Variants in MORC1 observed in about 807,000 individuals in gnomAD.
MORC1 encodes the protein MORC family CW-type zinc finger 1, also known as MORC family CW-type zinc finger protein 1.
In MORC1, 59 loss-of-function variants were observed where a neutral mutation model predicts 134.9. The observed-to-expected ratio is 0.44, with a 90% CI of 0.35 to 0.54. The LOEUF is 0.54. MORC1 is among the 20% of genes least tolerant of loss of function. The pLI is 0.00. For synonymous variants in MORC1, 395 were observed against 391.7 expected (o/e 1.01, Z -0.10); for missense variants, 947 against 1,134.5 (o/e 0.83, Z 2.37).
At chr3:109,107,290 C>T (rs1400500641) in intron 3 of MORC1, among the ~76,000 whole-genome samples, 3 of 152,152 alleles carry the variant, frequency 2.0e-5, no homozygotes, top group Admixed American at 6.6e-5. Flanking sequence ...AATACCTGTT[C>T]GTGTATCTAT....
rs948093986 is a variant in MORC1 at position 108,996,832 on chromosome 3, A to T, written c.2187+3725T>A. Among the ~76,000 whole-genome samples the T allele has an allele frequency of 5.3e-5, 8 of 151,950 alleles. 1 individual carries two copies. In the East Asian group the frequency reaches 1.6e-3, roughly 30 times the overall value. On this transcript the variant is annotated intron_variant, in intron 21 of 27. Transcript: ENST00000232603. ...GAGACCATCCTGGCTAACATGGAGA[A>T]ACCCTGTGTCTACTAAAAATAAAAA...
chr3:109,004,888 T>C lies in MORC1; in HGVS notation c.2014A>G (p.Arg672Gly), dbSNP rs1296647985. The stretch of plus-strand genomic sequence containing the variant: ...GTGGTAATATTAGCAATCTGACTTC[T>C]CTTTCAAAACAGAGAATACAGAAAA... ...ENVKLAERSQRSQIANITTVW... is the reference protein window; with the variant it reads ...ENVKLAERSQGSQIANITTVW... The change falls in exon 20 of 28, where the codon AGA becomes GGA. Residue 672 changes from arginine (R) to glycine (G), a missense_variant and splice_region_variant. By Grantham distance (125) the Arg-to-Gly change is moderately radical. Coordinates refer to ENST00000232603, the MANE Select transcript of MORC1 (RefSeq NM_014429.4). 2 of 1,612,806 alleles carry C rather than the reference T, an allele frequency of 1.2e-6. No individual in the cohort carries two copies. The highest frequency in any genetic ancestry group is 2.7e-5 in the African/African-American group (2 of 74,886).
intron 8 of MORC1, among the ~76,000 whole-genome samples, chr3:109,070,662 GA>G (rs1394992705): frequency 1.3e-5 from 2 of 151,150 alleles, no homozygotes; most frequent in Non-Finnish European, 2.9e-5. Context: ...TCCAGAATAA[GA>G]CAAAGATGAT....
chr3:109,031,319 C>G (rs1271585179), intron 16 of MORC1, among the ~76,000 whole-genome samples: 1 of 152,126 alleles, frequency 6.6e-6, no homozygotes, highest in Non-Finnish European at 1.5e-5. Flanking sequence ...GCATAAAGAT[C>G]CTATAATTAT....
intron 21 of MORC1, among the ~76,000 whole-genome samples, chr3:108,999,537 T>C (rs2107517264): frequency 6.6e-6 from 1 of 152,310 alleles, no homozygotes; most frequent in African/African-American, 2.4e-5. Context: ...TTATCATAAG[T>C]TAAGCTAAAG....
At chr3:109,055,028 A>C (rs1949924452) in intron 13 of MORC1, 146 bp from the exon 14 acceptor site, 1 of 728,176 alleles carries the variant, frequency 1.4e-6, no homozygotes, top group Admixed American at 3.1e-5. Flanking sequence ...CAAGTTAGCT[A>C]ATTATGTTAT....
At chr3:109,099,327 A>G in intron 6 of MORC1, 31 bp downstream of exon 6, 1 of 1,495,918 alleles carries the variant, frequency 6.7e-7, no homozygotes. Context: ...CATCATTGCT[A>G]TGGGAACAGA....
At chr3:109,058,461 C>A (rs1438868143) in intron 12 of MORC1, among the ~76,000 whole-genome samples, 1 of 152,026 alleles carries the variant, frequency 6.6e-6, no homozygotes, top group Non-Finnish European at 1.5e-5. Flanking sequence ...ACAAACTTGG[C>A]CTTTTGTTTT....
intron 20 of MORC1, among the ~76,000 whole-genome samples, chr3:109,003,129 C>T (rs960010230): frequency 1.3e-5 from 2 of 151,900 alleles, no homozygotes; most frequent in Non-Finnish European, 2.9e-5. Flanking sequence ...TAGCAGTTGA[C>T]GTTTGTCTCT....
intron 23 of MORC1, 114 bp downstream of exon 23, chr3:108,984,602 C>A: frequency 1.3e-6 from 1 of 799,754 alleles, no homozygotes; most frequent in Non-Finnish European, 1.9e-6. Context: ...TGGTTCCATT[C>A]TTGATTGCTT....
chr3:109,089,922 T>G (rs1436956089), intron 8 of MORC1, among the ~76,000 whole-genome samples: 1 of 152,080 alleles, frequency 6.6e-6, no homozygotes, highest in Non-Finnish European at 1.5e-5. Flanking sequence ...ACATATAAAT[T>G]TAAGATAATT....
At chr3:109,066,677 A>G (rs1950203472) in intron 9 of MORC1, among the ~76,000 whole-genome samples, 1 of 152,220 alleles carries the variant, frequency 6.6e-6, no homozygotes, top group Admixed American at 6.5e-5. Context: ...GCTCTTACGC[A>G]TTTGTATAAT....
chr3:108,998,624 G>A (rs1559881866), intron 21 of MORC1, among the ~76,000 whole-genome samples: 1 of 152,126 alleles, frequency 6.6e-6, no homozygotes, highest in Admixed American at 6.5e-5. Context: ...GAAGGAGCAC[G>A]GGGGATGGGA....
At chr3:108,961,198 C>A (rs945487252) in intron 27 of MORC1, among the ~76,000 whole-genome samples, 13 of 152,178 alleles carry the variant, frequency 8.5e-5, no homozygotes, top group African/African-American at 3.1e-4. Context: ...TTAACCTCGC[C>A]TCTGCATCTT....
chr3:108,972,067 A>T (rs528766403), intron 24 of MORC1, among the ~76,000 whole-genome samples: 1 of 152,280 alleles, frequency 6.6e-6, no homozygotes, highest in Admixed American at 6.5e-5. Flanking sequence ...ATTTTTGCAT[A>T]AGGGACTCCA....
At chr3:109,047,361 T>C (rs1261033141) in intron 14 of MORC1, among the ~76,000 whole-genome samples, 1 of 152,170 alleles carries the variant, frequency 6.6e-6, no homozygotes, top group Non-Finnish European at 1.5e-5. Flanking sequence ...CTAAACTTTT[T>C]AGTATTTTAT....
chr3:109,115,326 AAAACAC>A (rs1032768978), intron 1 of MORC1, among the ~76,000 whole-genome samples: 3 of 58,752 alleles, frequency 5.1e-5, no homozygotes, highest in South Asian at 1.4e-3. Flanking sequence ...ATGTATTTTT[AAAACAC>A]ACACACACAC....
chr3:109,035,645 T>C (rs1406484711), intron 14 of MORC1, among the ~76,000 whole-genome samples, 177 bp from the exon 15 acceptor site: 1 of 152,114 alleles, frequency 6.6e-6, no homozygotes. Context: ...ATATGATGAG[T>C]GAAAACTATT....
chr3:109,114,301 G>A (rs1055994288), intron 2 of MORC1, 83 bp downstream of exon 2: 49 of 1,214,344 alleles, frequency 4.0e-5, no homozygotes, highest in Non-Finnish European at 5.5e-5. Flanking sequence ...AATATGACAT[G>A]ATCTTTTTAT....
Sources: allele counts gnomAD v4.1 joint callset (sites outside exome capture counted in the v4.1 genomes callset), GRCh38; gene constraint gnomAD v4.1.1; transcripts MANE v1.5; gene names NCBI Gene and HGNC (gene_info 2026-07-23, HGNC 2026-07-21).